Variants in SYTL2 observed in about 807,000 individuals in gnomAD.
SYTL2 encodes synaptotagmin like 2.
Under a neutral mutation model 198.7 loss-of-function variants are expected in SYTL2, and 165 were observed. That is an observed-to-expected ratio of 0.83 (90% CI 0.73 to 0.94). The LOEUF (loss-of-function observed/expected upper bound fraction) is 0.94, where lower values mean the gene tolerates loss of function less well. Ranked by LOEUF, SYTL2 falls within the 40% of genes least tolerant of loss-of-function variation. SYTL2 has a pLI of 0.00. For synonymous variants in SYTL2, 966 were observed against 917.7 expected (o/e 1.05, Z -0.95); for missense variants, 2,835 against 2,582.8 (o/e 1.10, Z -2.12).
At chr11:85,708,836 G>GTT (rs1565873217) in intron 14 of SYTL2, among the ~76,000 whole-genome samples, 76 of 64,222 alleles carry the variant, frequency 1.2e-3, no homozygotes, top group African/African-American at 3.3e-3. Flanking sequence ...GCTTCTCTGT[G>GTT]ATTTTTTTTT....
chr11:85,795,555 T>C (rs1368108570), intron 1 of SYTL2, among the ~76,000 whole-genome samples: 2 of 152,228 alleles, frequency 1.3e-5, no homozygotes, highest in African/African-American at 2.4e-5. Context: ...CCGTGTTTTT[T>C]GTTTTTTACT....
At position 85,711,100 on chromosome 11, in the gene SYTL2, T is replaced by G. The variant is rs2086197836; in HGVS notation, c.5745+13A>C. ...CGCGGAGAGATATTAATATGGAGCC[T>G]TTGTTTACATACAGAAGACAAGGAC... On this transcript the variant is annotated intron_variant, in intron 13 of 19. Coordinates refer to ENST00000359152, the MANE Select transcript of SYTL2 (RefSeq NM_206927.4). The G allele has an allele frequency of 1.2e-6, 2 of 1,613,226 alleles. No homozygotes were observed.
At chr11:85,818,596 A>G in the SYTL2 span, among the ~76,000 whole-genome samples, 1 of 151,892 alleles carries the variant, frequency 6.6e-6, no homozygotes, top group African/African-American at 2.4e-5. Flanking sequence ...GAAAGGATGG[A>G]AAAAAATATC....
chr11:85,816,854 C>G, the SYTL2 span, among the ~76,000 whole-genome samples: 1 of 140,450 alleles, frequency 7.1e-6, no homozygotes, highest in Non-Finnish European at 1.5e-5. Context: ...GTCAAGGCTA[C>G]AGTGAGCCAT....
At chr11:85,719,231 G>C in intron 9 of SYTL2, 1 of 1,204,980 alleles carries the variant, frequency 8.3e-7, no homozygotes, top group Non-Finnish European at 1.0e-6. Flanking sequence ...ACAAATATTT[G>C]TGTGTGTGCA....
chr11:85,841,084 G>C, the SYTL2 span, among the ~76,000 whole-genome samples: 1 of 152,062 alleles, frequency 6.6e-6, no homozygotes, highest in African/African-American at 2.4e-5. Flanking sequence ...ATGAAAAAAA[G>C]CTCAACATCA....
intron 10 of SYTL2, 174 bp downstream of exon 10, chr11:85,718,616 C>T (rs1298159675): frequency 4.8e-6 from 3 of 618,776 alleles, no homozygotes; most frequent in Non-Finnish European, 8.5e-6. Flanking sequence ...CTTAAGAATA[C>T]AAACTATATT....
At chr11:85,772,735 T>TAATG (rs1321154482) in intron 1 of SYTL2, among the ~76,000 whole-genome samples, 9 of 152,228 alleles carry the variant, frequency 5.9e-5, no homozygotes, top group Non-Finnish European at 1.0e-4. Context: ...AGACTCAGTA[T>TAATG]AATGCCTCAC....
In SYTL2 at chr11:85,734,455, G is replaced by A. The variant is rs1565949916; in HGVS notation, c.874C>T (p.His292Tyr). The change falls in exon 7 of 20, where the codon CAC becomes TAC. Residue 292 changes from histidine (H) to tyrosine (Y), a missense_variant. Around this residue, in one of 3 missense-constraint regions of SYTL2, gnomAD observed 2,645 missense variants for 2,381.7 expected, o/e 1.11. Coordinates refer to ENST00000359152, the MANE Select transcript of SYTL2 (RefSeq NM_206927.4). ...ATTTTGCTTTTGGGTTCAAAGTTGT[G>A]ATTATAACGAAGGGTTTCTGAGTCT... ...STDSETLRYN[H>Y]NFEPKSKIVS... The A allele has an allele frequency of 6.2e-7, 1 of 1,614,086 alleles. No homozygotes were observed.
intron 1 of SYTL2, among the ~76,000 whole-genome samples, chr11:85,780,593 G>C (rs2092543144): frequency 6.6e-6 from 1 of 152,188 alleles, no homozygotes; most frequent in Non-Finnish European, 1.5e-5. Context: ...AGAGCTTCTT[G>C]TTAGCTGAAC....
chr11:85,719,736 G>C (rs1003672723), intron 9 of SYTL2, among the ~76,000 whole-genome samples: 1 of 152,194 alleles, frequency 6.6e-6, no homozygotes, highest in Non-Finnish European at 1.5e-5. Flanking sequence ...CCTTGGGATA[G>C]TCAGGACTAC....
chr11:85,840,615 C>T, the SYTL2 span, among the ~76,000 whole-genome samples: 11,560 of 152,142 alleles, frequency 0.076, 523 homozygotes, highest in South Asian at 0.097. Context: ...GTGACAATAA[C>T]CAACAATGGG....
At chr11:85,780,137 T>C (rs1042127663) in intron 1 of SYTL2, among the ~76,000 whole-genome samples, 1 of 152,224 alleles carries the variant, frequency 6.6e-6, no homozygotes, top group South Asian at 2.1e-4. Flanking sequence ...ATACCTCTTA[T>C]TGCATTTCAA....
intron 4 of SYTL2, among the ~76,000 whole-genome samples, chr11:85,738,686 G>T (rs973517543): frequency 4.6e-5 from 7 of 152,176 alleles, no homozygotes; most frequent in Non-Finnish European, 1.0e-4. Context: ...AGAAGCCAGT[G>T]GGTGATATGA....
the SYTL2 span, among the ~76,000 whole-genome samples, chr11:85,833,328 T>C: frequency 6.8e-6 from 1 of 148,082 alleles, no homozygotes; most frequent in Non-Finnish European, 1.5e-5. Context: ...ACACAATATA[T>C]ATCATATATA....
At chr11:85,745,035 G>A (rs1367142203) in intron 4 of SYTL2, among the ~76,000 whole-genome samples, 1 of 152,094 alleles carries the variant, frequency 6.6e-6, no homozygotes, top group Non-Finnish European at 1.5e-5. Flanking sequence ...TCCTTAAGAG[G>A]CATTTACTGA....
At chr11:85,755,249 T>G (rs560093609) in intron 2 of SYTL2, among the ~76,000 whole-genome samples, 1 of 152,242 alleles carries the variant, frequency 6.6e-6, no homozygotes, top group African/African-American at 2.4e-5. Context: ...TGAGCCTTTT[T>G]CAGGGTCCAC....
chr11:85,820,848 T>G, the SYTL2 span, among the ~76,000 whole-genome samples: 1 of 152,260 alleles, frequency 6.6e-6, no homozygotes, highest in Non-Finnish European at 1.5e-5. Context: ...ACTAAATGCA[T>G]GTTATATCTC....
chr11:85,734,503 G>C lies in SYTL2; in HGVS notation c.826C>G (p.Arg276Gly). Residue 276 changes from arginine to glycine, a missense_variant, in exon 7 of 20, where the codon CGC becomes GGC. Physicochemically the swap from Arg to Gly is moderately radical, Grantham distance 125. Coordinates refer to ENST00000359152, the MANE Select transcript of SYTL2 (RefSeq NM_206927.4). ...ARGAPRGILKRNSSSSSTDSE... is the reference protein window; with the variant it reads ...ARGAPRGILKGNSSSSSTDSE... The stretch of plus-strand genomic sequence containing the variant: ...TCTGTGCTACTGGAACTGGAGTTGC[G>C]CTTGAGGATCCCTCTCGGAGCCCCT... The C allele has an allele frequency of 6.2e-7, 1 of 1,614,200 alleles. No individual in the cohort carries two copies. Among genetic ancestry groups the C allele is most frequent in the Non-Finnish European group, 8.5e-7 (1 of 1,180,028 alleles).
Sources: gnomAD v4.1 joint callset for allele counts (sites outside exome capture counted in the v4.1 genomes callset) on GRCh38, gnomAD v4.1.1 for gene constraint, gnomAD v4.1.1 regional missense constraint, MANE v1.5 for transcripts, NCBI Gene and HGNC (gene_info 2026-07-23, HGNC 2026-07-21) for gene names.